Variants in PLD1 observed in about 807,000 individuals in gnomAD.
PLD1 encodes choline phosphatase 1.
In PLD1, 112 loss-of-function variants were observed where a neutral mutation model predicts 137.1. The observed-to-expected ratio is 0.82, with a 90% CI of 0.70 to 0.96. The LOEUF is 0.96. Ranked by LOEUF, PLD1 falls within the 40% of genes least tolerant of loss-of-function variation. PLD1 has a pLI of 0.00. For synonymous variants in PLD1, 431 were observed against 454.7 expected, an observed-to-expected ratio of 0.95 and a Z score of 0.66; for missense variants, 1,321 against 1,342.0, an observed-to-expected ratio of 0.98 and a Z score of 0.24.
At chr3:171,605,635 T>G (rs1162751308) in intron 25 of PLD1, among the ~76,000 whole-genome samples, 1 of 152,146 alleles carries the variant, frequency 6.6e-6, no homozygotes, top group Non-Finnish European at 1.5e-5. Context: ...TAACAAAAAA[T>G]TCTCAAGCAA....
intron 1 of PLD1, among the ~76,000 whole-genome samples, chr3:171,800,682 A>C (rs1723608335): frequency 6.6e-6 from 1 of 152,164 alleles, no homozygotes; most frequent in South Asian, 2.1e-4. Flanking sequence ...GTAACAAAAT[A>C]CCATAGACTA....
intron 21 of PLD1, chr3:171,654,048 AG>A: frequency 2.6e-6 from 1 of 384,546 alleles, no homozygotes; most frequent in South Asian, 1.9e-5. Flanking sequence ...AAGAAGCATG[AG>A]GGGCACTTTG....
chr3:171,785,761 G>A (rs1641775425), intron 1 of PLD1, among the ~76,000 whole-genome samples: 1 of 152,156 alleles, frequency 6.6e-6, no homozygotes, highest in African/African-American at 2.4e-5. Context: ...TACACTTAGA[G>A]CACATTTCAA....
At chr3:171,674,073 T>C (rs1713074618) in intron 19 of PLD1, among the ~76,000 whole-genome samples, 1 of 152,202 alleles carries the variant, frequency 6.6e-6, no homozygotes, top group Admixed American at 6.5e-5. Flanking sequence ...ATTAAGCAAA[T>C]TCCTTATTCC....
intron 6 of PLD1, among the ~76,000 whole-genome samples, chr3:171,731,273 A>C (rs1718922093): frequency 6.6e-6 from 1 of 152,356 alleles, no homozygotes; most frequent in South Asian, 2.1e-4. Context: ...TTTAACAGAT[A>C]CTTTTTTAGT....
chr3:171,764,871 GAA>G (rs766932709), intron 1 of PLD1, among the ~76,000 whole-genome samples: 7,169 of 34,268 alleles, frequency 0.21, 1,331 homozygotes, highest in Non-Finnish European at 0.25. Flanking sequence ...AAGAAAGAAA[GAA>G]AGAAAGAAAG....
chr3:171,657,770 T>C (rs1737334642), intron 21 of PLD1, among the ~76,000 whole-genome samples: 1 of 152,072 alleles, frequency 6.6e-6, no homozygotes, highest in African/African-American at 2.4e-5. Context: ...ATTCCTTAGA[T>C]ACCAAAAGGA....
Position 171,679,772 on chromosome 3 carries a change from C to T in PLD1, c.1868-2078G>A, listed in dbSNP as rs535429698. ...TAGCCATGGCCTAAAAACTATTCCA[C>T]ATAAATTAGGGTTCCTCCTCAGTAC... On this transcript the variant is annotated intron_variant, in intron 16 of 26. Coordinates refer to ENST00000351298, the MANE Select transcript of PLD1 (RefSeq NM_002662.5). 2.6e-5 allele frequency among the ~76,000 whole-genome samples: 4 copies of T among 152,288 alleles called. No individual in the cohort carries two copies. The South Asian group carries it at 8.3e-4, about 32-fold the overall frequency.
At chr3:171,769,969 T>C (rs887034522) in intron 1 of PLD1, among the ~76,000 whole-genome samples, 12 of 152,216 alleles carry the variant, frequency 7.9e-5, no homozygotes, top group Non-Finnish European at 1.8e-4. Context: ...CTATATTTCA[T>C]AAAGTGTTGC....
intron 21 of PLD1, among the ~76,000 whole-genome samples, chr3:171,656,835 A>G (rs1482265291): frequency 6.6e-6 from 1 of 152,240 alleles, no homozygotes; most frequent in Non-Finnish European, 1.5e-5. Flanking sequence ...TCCTCCAGGT[A>G]TGAAAAGTAT....
intron 12 of PLD1, among the ~76,000 whole-genome samples, chr3:171,697,818 G>T (rs1715892655): frequency 6.6e-6 from 1 of 152,124 alleles, no homozygotes; most frequent in Admixed American, 6.5e-5. Context: ...TTAAATCGGG[G>T]CATTGTTTCT....
intron 23 of PLD1, among the ~76,000 whole-genome samples, chr3:171,630,378 G>A (rs2108329174): frequency 7.1e-6 from 1 of 141,472 alleles, no homozygotes; most frequent in South Asian, 2.2e-4. Context: ...GTGCTGGAGA[G>A]GATGTGGAGA....
chr3:171,729,366 C>T (rs1560257305), intron 6 of PLD1, among the ~76,000 whole-genome samples: 1 of 152,128 alleles, frequency 6.6e-6, no homozygotes, highest in Non-Finnish European at 1.5e-5. Flanking sequence ...GTTAGAGAAA[C>T]AGAGAAGCAA....
intron 1 of PLD1, among the ~76,000 whole-genome samples, chr3:171,745,238 G>GA (rs1262801182): frequency 1.3e-5 from 2 of 152,206 alleles, no homozygotes; most frequent in Admixed American, 6.5e-5. Context: ...TGATGGTTAA[G>GA]AAAATATGAT....
At chr3:171,656,778 T>C (rs1170105984) in intron 21 of PLD1, among the ~76,000 whole-genome samples, 1 of 152,174 alleles carries the variant, frequency 6.6e-6, no homozygotes. Flanking sequence ...AAGACATCCA[T>C]CCCATCAGCT....
chr3:171,805,188 C>T (rs1022469215), intron 1 of PLD1, among the ~76,000 whole-genome samples: 2 of 151,944 alleles, frequency 1.3e-5, no homozygotes, highest in Admixed American at 6.6e-5. Flanking sequence ...TTCTTTTGTG[C>T]GTCAGAGGCT....
At chr3:171,708,726 G>A (rs774655375) in intron 11 of PLD1, 29 bp downstream of exon 11, 165 of 1,254,514 alleles carry the variant, frequency 1.3e-4, no homozygotes, top group Non-Finnish European at 1.8e-4. Context: ...GAGACTTCCA[G>A]AAAAAAATTC....
chr3:171,647,336 TATATA>T (rs1246267943), intron 21 of PLD1, among the ~76,000 whole-genome samples: 5 of 152,208 alleles, frequency 3.3e-5, no homozygotes, highest in Admixed American at 6.5e-5. Context: ...TTGTAAAGTG[TATATA>T]ATATATTACA....
At chr3:171,748,354 C>G (rs1210757800) in intron 1 of PLD1, among the ~76,000 whole-genome samples, 4 of 152,186 alleles carry the variant, frequency 2.6e-5, no homozygotes, top group African/African-American at 4.8e-5. Flanking sequence ...GGTCAGACTT[C>G]TAAAATTAAC....
Sources: gnomAD v4.1 joint callset for allele counts (sites outside exome capture counted in the v4.1 genomes callset) on GRCh38, gnomAD v4.1.1 for gene constraint, MANE v1.5 for transcripts, NCBI Gene and HGNC (gene_info 2026-07-23, HGNC 2026-07-21) for gene names.